Variants in SUB1 observed in about 807,000 individuals in gnomAD.
SUB1 encodes SUB1 regulator of transcription.
SUB1 carries 1 observed loss-of-function variant against 16.9 expected under a neutral mutation model. The observed-to-expected ratio is 0.06, with a 90% CI of 0.02 to 0.28. SUB1 has a LOEUF of 0.28. Ranked by LOEUF, SUB1 falls within the 10% of genes least tolerant of loss-of-function variation. The pLI is 1.00. For missense variants in SUB1, 84 were observed against 145.2 expected (o/e 0.58, Z 2.16); for synonymous variants, 51 against 46.9 (o/e 1.09, Z -0.36).
In SUB1 at chr5:32,590,762, A is replaced by ATTTTTTTTTTTTTTTTT. The variant is rs70961652; in HGVS notation, c.73-794_73-778dup. 2.6e-3 allele frequency among the ~76,000 whole-genome samples: 89 copies of ATTTTTTTTTTTTTTTTT among 33,976 alleles called. 30 individuals are homozygous for ATTTTTTTTTTTTTTTTT. The highest frequency in any genetic ancestry group is 3.2e-3 in the Admixed American group (6 of 1,886). 22.3% of individuals were successfully genotyped at this position (33,976 alleles called of 152,430 possible). ...AGGCGTGTGCCACCACGCCTGGCTAATTTTTTTTTTTTTTTTTTTTTTTGA... is the reference window on the plus strand; with the variant it reads ...AGGCGTGTGCCACCACGCCTGGCTAATTTTTTTTTTTTTTTTTTTTTTTTTTTTTTTTTTTTTTTTGA... On this transcript the variant is annotated intron_variant, in intron 2 of 4. Transcript: ENST00000265073.
chr5:32,588,434 T>A, intron 1 of SUB1, 78 bp from the exon 2 acceptor site: 1 of 1,303,444 alleles, frequency 7.7e-7, no homozygotes, highest in Non-Finnish European at 1.1e-6. Context: ...CTTGATTTTT[T>A]TCTTTGATTG....
chr5:32,600,138 C>G (rs201761119), intron 4 of SUB1, among the ~76,000 whole-genome samples: 1 of 152,102 alleles, frequency 6.6e-6, no homozygotes, highest in Admixed American at 6.5e-5. Flanking sequence ...TGATGTAGTT[C>G]TTTTTTAAGG....
chr5:32,598,769 TA>T, intron 3 of SUB1, 191 bp from the exon 4 acceptor site: 1 of 404,476 alleles, frequency 2.5e-6, no homozygotes. Context: ...ATTTTTCCAG[TA>T]TATTTATTGA....
intron 2 of SUB1, 66 bp from the exon 3 acceptor site, chr5:32,591,497 G>A: frequency 6.7e-7 from 1 of 1,489,964 alleles, no homozygotes; most frequent in Non-Finnish European, 8.9e-7. Context: ...AAAAGTAATG[G>A]GATCTTTTGA....
chr5:32,600,955 C>G, intron 4 of SUB1, 50 bp from the exon 5 acceptor site: 2 of 1,529,296 alleles, frequency 1.3e-6, no homozygotes, highest in Non-Finnish European at 9.1e-7. Flanking sequence ...TATGAAAATC[C>G]TCAACGCTTA....
Position 32,602,319 on chromosome 5 carries a change from A to G in SUB1, c.*1235A>G, listed in dbSNP as rs1477132288. ...ATTAAAGGAGGCGGCAGTGAAGAGG[A>G]AATAATTCTCTTCTATCTAAATGAT... On this transcript the variant is annotated 3_prime_UTR_variant, in exon 5 of 5. Transcript: ENST00000265073. The G allele has an allele frequency of 7.0e-6, 3 of 427,750 alleles. No individual in the cohort carries two copies. The highest frequency in any genetic ancestry group is 1.4e-5 in the Non-Finnish European group (3 of 216,526). 26.5% of individuals were successfully genotyped at this position (427,750 alleles called of 1,614,324 possible).
chr5:32,601,812 G>C lies in SUB1; in HGVS notation c.*728G>C, dbSNP rs1739121831. The C allele has an allele frequency of 6.2e-6, 1 of 160,634 alleles. No homozygotes were observed. The highest frequency in any genetic ancestry group is 1.4e-5 in the Non-Finnish European group (1 of 72,814). 10.0% of individuals were successfully genotyped at this position (160,634 alleles called of 1,614,324 possible). A position where few individuals can be genotyped will look rare whatever the true frequency, so the allele number is the denominator to read the frequency against. Reference sequence around the variant, plus strand: ...TTGTTTACCCATAGTGTTCTGTGTAGTTATTGCTTAGTCTGCAGAAAATAA... The same window carrying C: ...TTGTTTACCCATAGTGTTCTGTGTACTTATTGCTTAGTCTGCAGAAAATAA... On this transcript the variant is annotated 3_prime_UTR_variant, in exon 5 of 5. Coordinates refer to ENST00000265073, the MANE Select transcript of SUB1 (RefSeq NM_006713.4).
rs754697930 is a variant in SUB1, at chr5:32,591,652, G to GAGC, written c.174_176dup (p.Ser58dup). 2 of 1,599,584 alleles carry GAGC rather than the reference G, an allele frequency of 1.3e-6. No homozygotes were observed. Among genetic ancestry groups the GAGC allele is most frequent in the Non-Finnish European group, 8.5e-7 (1 of 1,174,484 alleles). ...CGAGAGCCCTGTCATCTTCTAAACA[G>GAGC]AGCAGCAGCAGCAGAGATGATAACA... On this transcript the variant is annotated inframe_insertion, in exon 3 of 5. Transcript: ENST00000265073.
intron 2 of SUB1, among the ~76,000 whole-genome samples, chr5:32,590,761 A>ACTTTTTTTT (rs1738801242): frequency 9.5e-5 from 1 of 10,500 alleles, no homozygotes; most frequent in Non-Finnish European, 3.8e-4. Flanking sequence ...ACGCCTGGCT[A>ACTTTTTTTT]ATTTTTTTTT....
At position 32,603,054 on chromosome 5, in the gene SUB1, T is replaced by C. The variant is rs1441429537; in HGVS notation, c.*1970T>C. On this transcript the variant is annotated 3_prime_UTR_variant, in exon 5 of 5. Transcript: ENST00000265073. The stretch of plus-strand genomic sequence containing the variant: ...GTGTATGCATTTTGAAACAATCTAC[T>C]AACAGATGGTGCTGAAATCTATTAC... The C allele has an allele frequency of 6.6e-6, 1 of 152,132 alleles. No homozygotes were observed. The highest frequency in any genetic ancestry group is 1.5e-5 in the Non-Finnish European group (1 of 67,992). 9.4% of individuals were successfully genotyped at this position (152,132 alleles called of 1,614,324 possible).
intron 3 of SUB1, among the ~76,000 whole-genome samples, chr5:32,593,213 C>G (rs1738875208): frequency 6.6e-6 from 1 of 152,014 alleles, no homozygotes. Context: ...CAGTATTGCC[C>G]AGGCTGGTCT....
chr5:32,587,668 T>A (rs921815078), intron 1 of SUB1, among the ~76,000 whole-genome samples: 6 of 151,770 alleles, frequency 4.0e-5, no homozygotes, highest in Middle Eastern at 3.4e-3. Context: ...CGGAGTGCAA[T>A]GATGTGACCT....
At chr5:32,591,297 A>G (rs1738819173) in intron 2 of SUB1, 1 of 269,388 alleles carries the variant, frequency 3.7e-6, no homozygotes, top group Non-Finnish European at 6.6e-6. Flanking sequence ...ATCCCAAACC[A>G]CAAAATAACC....
chr5:32,595,371 T>A (rs2111673602), intron 3 of SUB1: 1 of 152,370 alleles, frequency 6.6e-6, no homozygotes, highest in East Asian at 1.9e-4. Flanking sequence ...TCACTGATCT[T>A]ATTTCTACCA....
chr5:32,592,189 CTA>C (rs1738845171), intron 3 of SUB1, among the ~76,000 whole-genome samples: 1 of 152,188 alleles, frequency 6.6e-6, no homozygotes, highest in South Asian at 2.1e-4. Context: ...TCTCTAAAGT[CTA>C]GTTTTGCTGT....
chr5:32,586,324 T>C (rs1738668187), intron 1 of SUB1: 1 of 152,252 alleles, frequency 6.6e-6, no homozygotes, highest in South Asian at 2.1e-4. Flanking sequence ...CCTTCAGTCC[T>C]GGTTCATTTT....
chr5:32,596,094 A>G (rs568463178), intron 3 of SUB1: 2 of 152,334 alleles, frequency 1.3e-5, no homozygotes, highest in African/African-American at 2.4e-5. Context: ...ATCTAGTTCA[A>G]AAATGAGTGG....
rs1373075160 is a variant in SUB1 at position 32,591,577 on chromosome 5, G to A, written c.87G>A (p.Lys29=). Residue 29 remains lysine, a synonymous_variant, in exon 3 of 5, where the codon AAG becomes AAA. Transcript: ENST00000265073. Reference sequence around the variant, plus strand: ...TTCTTTTCTAGTTAAAGAGGAAAAAGCAAGTTGCTCCAGAAAAACCTGTAA... The same window carrying A: ...TTCTTTTCTAGTTAAAGAGGAAAAAACAAGTTGCTCCAGAAAAACCTGTAA... ...SEVDKKLKRK[K]QVAPEKPVKK... is the part of the protein sequence containing the mutation. 6.2e-7 allele frequency: 1 copy of A among 1,601,268 alleles called. No individual in the cohort carries two copies. The highest frequency in any genetic ancestry group is 8.5e-7 in the Non-Finnish European group (1 of 1,175,820).
At chr5:32,593,578 T>G (rs774166459) in intron 3 of SUB1, among the ~76,000 whole-genome samples, 1 of 152,216 alleles carries the variant, frequency 6.6e-6, no homozygotes, top group Non-Finnish European at 1.5e-5. Context: ...AGGAATTTTC[T>G]CACCAGAAAA....
Sources: gnomAD v4.1 joint callset for allele counts (sites outside exome capture counted in the v4.1 genomes callset) on GRCh38, gnomAD v4.1.1 for gene constraint, MANE v1.5 for transcripts, NCBI Gene and HGNC (gene_info 2026-07-23, HGNC 2026-07-21) for gene names.